FBLN2: variants seen among roughly 807,000 people sequenced by gnomAD.
The protein encoded by FBLN2 is fibulin-2.
In FBLN2, 81 loss-of-function variants were observed where a neutral mutation model predicts 123.7. That is an observed-to-expected ratio of 0.65 (90% confidence interval 0.55 to 0.79). The LOEUF is 0.79. FBLN2 is among the 30% of genes least tolerant of loss of function. FBLN2 has a pLI of 0.00. For synonymous variants in FBLN2, 699 were observed against 701.4 expected, an observed-to-expected ratio of 1.00 and a Z score of 0.05; for missense variants, 1,603 against 1,681.3, an observed-to-expected ratio of 0.95 and a Z score of 0.81.
At chr3:13,624,366 AG>A (rs34948013) in intron 9 of FBLN2, among the ~76,000 whole-genome samples, 62,797 of 151,922 alleles carry the variant, frequency 0.41, 13,845 homozygotes, top group East Asian at 0.65. Context: ...AGGCTGTGGG[AG>A]GCTCTTGGGT....
At chr3:13,630,618 C>A in intron 14 of FBLN2, 81 bp from the exon 15 acceptor site, 1 of 1,187,176 alleles carries the variant, frequency 8.4e-7, no homozygotes, top group Non-Finnish European at 1.2e-6. Context: ...GCTTGGTGGG[C>A]CTGGCTGTCA....
chr3:13,549,186 G>GACGC lies in FBLN2; in HGVS notation c.-63_-60dup. On this transcript the variant is annotated 5_prime_UTR_variant, in exon 1 of 18. Transcript: ENST00000404922. ...CGACGGCCGGGCGGACGGACGGACG[G>GACGC]ACGCCGAGCGCAGTGCCCCGCGGTG... The GACGC allele has an allele frequency of 1.0e-6, 1 of 983,292 alleles. No individual in the cohort carries two copies. The highest frequency in any genetic ancestry group is 1.2e-6 in the Non-Finnish European group (1 of 829,130). The allele number at this position is 983,292 out of a possible 1,614,324, so 60.9% of individuals were successfully genotyped here.
intron 2 of FBLN2, among the ~76,000 whole-genome samples, chr3:13,600,065 T>TAGAG (rs149176892): frequency 3.2e-5 from 3 of 92,508 alleles, no homozygotes; most frequent in Middle Eastern, 7.1e-3. Flanking sequence ...GAGAGAGCGA[T>TAGAG]AGAGAGAGAG....
intron 5 of FBLN2, among the ~76,000 whole-genome samples, chr3:13,617,143 A>ATCCATCCATCC (rs1553621511): frequency 0.022 from 2,999 of 134,616 alleles, 23 homozygotes; most frequent in African/African-American, 0.038. Context: ...TCCATTCATC[A>ATCCATCCATCC]ATCCATCCAT....
intron 2 of FBLN2, among the ~76,000 whole-genome samples, chr3:13,587,144 C>CAAAAAAAA (rs57120285): frequency 1.4e-5 from 1 of 70,916 alleles, no homozygotes; most frequent in African/African-American, 4.3e-5. Context: ...GACTCCGTCT[C>CAAAAAAAA]AAAAAAAAAA....
chr3:13,621,817 G>A lies in FBLN2; in HGVS notation c.2198G>A (p.Arg733Gln), dbSNP rs1044877805. 25 of 1,613,886 alleles carry A rather than the reference G, an allele frequency of 1.5e-5. No individual in the cohort carries two copies. Among genetic ancestry groups the A allele is most frequent in the Middle Eastern group, 1.6e-4 (1 of 6,084 alleles). Residue 733 changes from arginine (R) to glutamine (Q), a missense_variant, in exon 9 of 18, where the codon CGA (arginine) becomes CAA (glutamine). Arg to Gln is a conservative substitution (Grantham distance 43, BLOSUM62 1). Transcript: ENST00000404922. ...ATGGGTGCTCACGATTGTAGCCGGC[G>A]ACAGTTCTGTGTGAACACCCTGGGA... ...CLMGAHDCSR[R>Q]QFCVNTLGSF... is the part of the protein sequence containing the mutation.
At chr3:13,577,669 A>G (rs912546658) in intron 2 of FBLN2, among the ~76,000 whole-genome samples, 5 of 152,238 alleles carry the variant, frequency 3.3e-5, no homozygotes, top group Non-Finnish European at 7.3e-5. Context: ...ACAGAGACCC[A>G]GAGCACAGCT....
Position 13,628,967 on chromosome 3 carries a change from G to A in FBLN2, c.2632G>A (p.Val878Met), listed in dbSNP as rs1559426745. Residue 878 changes from valine to methionine, a missense_variant, in exon 12 of 18, where the codon GTG (valine) becomes ATG (methionine). Coordinates refer to ENST00000404922, the MANE Select transcript of FBLN2 (RefSeq NM_001004019.2). ...CRPGFSCINT[V>M]GSYTCQRNPL... ...GCCAGGCTTCAGCTGCATCAACACG[G>A]TGGGCTCCTACACATGCCAGAGGAA... 5 of 1,613,524 alleles carry A rather than the reference G, an allele frequency of 3.1e-6. No individual in the cohort carries two copies. Among genetic ancestry groups the A allele is most frequent in the Non-Finnish European group, 4.2e-6 (5 of 1,179,784 alleles).
intron 11 of FBLN2, 142 bp downstream of exon 11, chr3:13,628,111 T>A: frequency 9.1e-7 from 1 of 1,094,092 alleles, no homozygotes; most frequent in Non-Finnish European, 1.3e-6. Context: ...TACCTGTGAA[T>A]GGGCATGTCA....
chr3:13,566,205 G>C (rs909634660), intron 1 of FBLN2, among the ~76,000 whole-genome samples: 1 of 152,182 alleles, frequency 6.6e-6, no homozygotes, highest in Non-Finnish European at 1.5e-5. Context: ...GGTTGCTGAG[G>C]GGTGGGAGCT....
At chr3:13,635,418 C>T (rs991913345) in intron 16 of FBLN2, among the ~76,000 whole-genome samples, 1 of 152,128 alleles carries the variant, frequency 6.6e-6, no homozygotes, top group African/African-American at 2.4e-5. Context: ...ACCCCTACCC[C>T]ACCCCTGCTT....
At chr3:13,587,144 C>CAAAAA (rs57120285) in intron 2 of FBLN2, among the ~76,000 whole-genome samples, 2 of 70,854 alleles carry the variant, frequency 2.8e-5, no homozygotes, top group African/African-American at 4.3e-5. Context: ...GACTCCGTCT[C>CAAAAA]AAAAAAAAAA....
At chr3:13,601,103 T>C (rs1001950079) in intron 2 of FBLN2, among the ~76,000 whole-genome samples, 1 of 152,242 alleles carries the variant, frequency 6.6e-6, no homozygotes, top group Non-Finnish European at 1.5e-5. Context: ...CAGTTCTCAC[T>C]CTTAGTAACT....
At chr3:13,581,067 A>G (rs73818031) in intron 2 of FBLN2, among the ~76,000 whole-genome samples, 2,331 of 152,274 alleles carry the variant, frequency 0.015, 58 homozygotes, top group African/African-American at 0.052. Flanking sequence ...AGAAACACAC[A>G]GGTGTTTAAT....
In FBLN2 at chr3:13,569,957, C is replaced by T. The variant is rs186774441; in HGVS notation, c.-41-358C>T. ...CCTGACGTGCCCTGGTGAGTGTGAC[C>T]GAGTGGGTGTGGGGCTGTGCATGTG... On this transcript the variant is annotated intron_variant, in intron 1 of 17. Transcript: ENST00000404922. Among the ~76,000 whole-genome samples, 689 of 152,038 alleles carry T rather than the reference C, an allele frequency of 4.5e-3. 10 individuals are homozygous for T. Among genetic ancestry groups the T allele is most frequent in the Non-Finnish European group, 5.0e-3 (341 of 67,952 alleles).
In FBLN2 at chr3:13,614,097, G is replaced by C; in HGVS notation, c.1662G>C (p.Glu554Asp). ...PCNHVMLSCC[E>D]GEEPLIVPEV... is the part of the protein sequence containing the mutation. Reference sequence around the variant, plus strand: ...ATCATGTCATGCTCTCCTGCTGTGAGGGTGAAGAGCCTCTCATAGTACCTG... The same window carrying C: ...ATCATGTCATGCTCTCCTGCTGTGACGGTGAAGAGCCTCTCATAGTACCTG... The change falls in exon 5 of 18, where the codon GAG becomes GAC. Residue 554 changes from glutamate (E) to aspartate (D), a missense_variant. By Grantham distance (45) the Glu-to-Asp change is conservative. Transcript: ENST00000404922. 6.2e-7 allele frequency: 1 copy of C among 1,613,720 alleles called. No individual in the cohort carries two copies. The highest frequency in any genetic ancestry group is 8.5e-7 in the Non-Finnish European group (1 of 1,179,890).
chr3:13,602,811 A>T (rs189700392), intron 2 of FBLN2, among the ~76,000 whole-genome samples: 23 of 152,138 alleles, frequency 1.5e-4, no homozygotes, highest in Admixed American at 1.3e-3. Context: ...GTGAGTTTTG[A>T]GTCTCTTGGA....
chr3:13,556,960 C>T (rs1703480204), intron 1 of FBLN2, among the ~76,000 whole-genome samples: 1 of 152,270 alleles, frequency 6.6e-6, no homozygotes, highest in South Asian at 2.1e-4. Context: ...TTTCTTTTGT[C>T]TCTGCCTTTC....
rs549749793 is a variant in FBLN2, at chr3:13,618,104, G to T, written c.1758G>T (p.Glu586Asp). 3.1e-6 allele frequency: 5 copies of T among 1,613,422 alleles called. No individual in the cohort carries two copies. The Admixed American group carries it at 8.3e-5, about 27-fold the overall frequency. ...CAGAGGCAGAGATGGCGGGCCGAGA[G>T]GCCCTGTCACTGGGCACAGAGGCCG... is the stretch of plus-strand genomic sequence containing the variant. The part of the protein sequence containing the change: ...RVSEAEMAGR[E>D]ALSLGTEAEL... Residue 586 changes from glutamate (E) to aspartate (D), a missense_variant, in exon 6 of 18, where the codon GAG (glutamate) becomes GAT (aspartate). Coordinates refer to ENST00000404922, the MANE Select transcript of FBLN2 (RefSeq NM_001004019.2).
Sources: allele counts gnomAD v4.1 joint callset (sites outside exome capture counted in the v4.1 genomes callset), GRCh38; gene constraint gnomAD v4.1.1; transcripts MANE v1.5; gene names NCBI Gene and HGNC (gene_info 2026-07-23, HGNC 2026-07-21).